ARHGAP17: variants seen among roughly 807,000 people sequenced by gnomAD.
The protein encoded by ARHGAP17 is Rho GTPase activating protein 17, also known as rho GTPase-activating protein 17.
ARHGAP17 carries 57 observed loss-of-function variants against 99.5 expected under a neutral mutation model. The ratio of observed to expected loss-of-function variants is 0.57; its 90% CI spans 0.46 to 0.71. ARHGAP17 has a LOEUF of 0.71. Ranked by LOEUF, ARHGAP17 falls within the 30% of genes least tolerant of loss-of-function variation. The pLI is 0.00. For synonymous variants in ARHGAP17, 417 were observed against 429.6 expected (o/e 0.97, Z 0.36); for missense variants, 1,000 against 1,122.4 (o/e 0.89, Z 1.56).
intron 3 of ARHGAP17, among the ~76,000 whole-genome samples, chr16:24,973,024 C>T (rs1041971437): frequency 5.9e-5 from 9 of 151,910 alleles, no homozygotes; most frequent in Admixed American, 1.3e-4. Context: ...AACCCACTTC[C>T]GGGGTTTTGC....
intron 1 of ARHGAP17, among the ~76,000 whole-genome samples, chr16:24,992,393 T>C (rs1052749007): frequency 6.6e-6 from 1 of 152,166 alleles, no homozygotes; most frequent in Non-Finnish European, 1.5e-5. Context: ...TGGAGTGCAG[T>C]GGCACAATCT....
At chr16:25,002,280 C>A (rs2141486186) in intron 1 of ARHGAP17, among the ~76,000 whole-genome samples, 1 of 152,192 alleles carries the variant, frequency 6.6e-6, no homozygotes, top group African/African-American at 2.4e-5. Flanking sequence ...TAACCTGAAG[C>A]TCCTCACCTC....
At chr16:24,982,206 C>A (rs1301079562) in intron 1 of ARHGAP17, among the ~76,000 whole-genome samples, 2 of 151,902 alleles carry the variant, frequency 1.3e-5, no homozygotes. Flanking sequence ...AAGTTCAAGA[C>A]CAGCCTGGTC....
At chr16:24,954,933 G>A in intron 9 of ARHGAP17, 2 of 668,734 alleles carry the variant, frequency 3.0e-6, no homozygotes, top group East Asian at 6.3e-5. Context: ...GTTACTTGTG[G>A]AACAGAAGCC....
intron 16 of ARHGAP17, chr16:24,941,608 T>C (rs1597379805): frequency 5.2e-6 from 1 of 191,096 alleles, no homozygotes; most frequent in Admixed American, 5.4e-5. Flanking sequence ...CTGTGCCAGG[T>C]GGGTGTTCTC....
intron 1 of ARHGAP17, among the ~76,000 whole-genome samples, chr16:24,980,686 C>CAAG: frequency 6.6e-6 from 1 of 152,324 alleles, no homozygotes; most frequent in East Asian, 1.9e-4. Flanking sequence ...GTCAGCCTAG[C>CAAG]AAGAACACAC....
chr16:24,948,123 C>G (rs2051527479), intron 13 of ARHGAP17, among the ~76,000 whole-genome samples: 1 of 152,156 alleles, frequency 6.6e-6, no homozygotes, highest in Admixed American at 6.5e-5. Context: ...TATATCCATA[C>G]AGTGGAGGAC....
intron 18 of ARHGAP17, among the ~76,000 whole-genome samples, chr16:24,932,372 A>G (rs1451844400): frequency 2.0e-5 from 3 of 152,214 alleles, no homozygotes; most frequent in Admixed American, 2.0e-4. Flanking sequence ...CAATAAGAAG[A>G]AAACTGTTAA....
chr16:25,014,042 T>C (rs931622974), intron 1 of ARHGAP17: 8 of 151,964 alleles, frequency 5.3e-5, no homozygotes, highest in Non-Finnish European at 1.2e-4. Flanking sequence ...ACCACAATAA[T>C]ACGGTAGGGA....
At chr16:24,946,840 CT>C (rs1324690039) in intron 14 of ARHGAP17, among the ~76,000 whole-genome samples, 1 of 152,224 alleles carries the variant, frequency 6.6e-6, no homozygotes, top group Non-Finnish European at 1.5e-5. Flanking sequence ...TCACAATTTA[CT>C]TTTTGTCCAA....
In ARHGAP17 at chr16:24,977,218, T is replaced by C; in HGVS notation, c.195A>G (p.Arg65=). Residue 65 remains arginine, a synonymous_variant, in exon 3 of 20, where the codon AGA becomes AGG. Transcript: ENST00000289968. ...QGQHGTDAER[R]HKKLPLTALA... is the part of the protein sequence containing the mutation. ...CTGAGTCACATCTGATACTCACGTG[T>C]CTCCTCTCGGCATCGGTGCCATGCT... 6.3e-7 allele frequency: 1 copy of C among 1,577,022 alleles called. No homozygotes were observed. The highest frequency in any genetic ancestry group is 8.7e-7 in the Non-Finnish European group (1 of 1,154,186).
In ARHGAP17 at chr16:24,949,475, A is replaced by T; in HGVS notation, c.1056T>A (p.Asp352Glu). ...ACAAGTCTTGAAGTTTTTTGTCTTGATCCTGCACACTGAGAACAAAAACTT... is the reference window on the plus strand; with the variant it reads ...ACAAGTCTTGAAGTTTTTTGTCTTGTTCCTGCACACTGAGAACAAAAACTT... ...EEWTQVASVQ[D>E]QDKKLQDLWR... The change falls in exon 13 of 20, where the codon GAT (aspartate) becomes GAA (glutamate). Residue 352 changes from aspartate (D) to glutamate (E), a missense_variant. Physicochemically the swap from Asp to Glu is conservative, Grantham distance 45. This residue lies in a region of ARHGAP17 where 472 missense variants were observed against 611.1 expected (regional missense o/e 0.77). Transcript: ENST00000289968. The T allele has an allele frequency of 9.9e-6, 16 of 1,613,202 alleles. No homozygotes were observed. The highest frequency in any genetic ancestry group is 1.4e-5 in the Non-Finnish European group (16 of 1,179,806).
intron 19 of ARHGAP17, among the ~76,000 whole-genome samples, chr16:24,929,204 G>T (rs1258216353): frequency 6.6e-6 from 1 of 151,092 alleles, no homozygotes; most frequent in Admixed American, 6.6e-5. Context: ...TGTCATGCAG[G>T]CTGGACTGCA....
chr16:24,944,399 A>G (rs1197577911), intron 14 of ARHGAP17, among the ~76,000 whole-genome samples: 1 of 152,106 alleles, frequency 6.6e-6, no homozygotes, highest in Non-Finnish European at 1.5e-5. Flanking sequence ...AGTGTCTGCT[A>G]CACACAGACC....
rs1195803658 is a variant in ARHGAP17 at position 24,960,044 on chromosome 16, A to G, written c.574-65T>C. The G allele has an allele frequency of 6.8e-6, 10 of 1,478,592 alleles. No individual in the cohort carries two copies. In the East Asian group the frequency reaches 2.3e-4, roughly 33 times the overall value. 91.6% of individuals were successfully genotyped at this position (1,478,592 alleles called of 1,614,324 possible). ...AAGTGAAACAAAATGGCATCTGAGA[A>G]CAATCTCTGTGAGCTCTTAGATGAA... On this transcript the variant is annotated intron_variant, in intron 7 of 19. Transcript: ENST00000289968.
Position 24,968,396 on chromosome 16 carries a change from T to C in ARHGAP17, c.416A>G (p.Lys139Arg), listed in dbSNP as rs557259553. The C allele has an allele frequency of 5.0e-6, 8 of 1,614,228 alleles. No homozygotes were observed. In the African/African-American group the frequency reaches 9.3e-5, roughly 19 times the overall value. The change falls in exon 6 of 20, where the codon AAG (lysine) becomes AGG (arginine). Residue 139 changes from lysine to arginine, a missense_variant. By Grantham distance (26) the Lys-to-Arg change is conservative. Transcript: ENST00000289968. ...GTCTAACACCAATCTTGCAAGCTGC[T>C]TCCTCTGCTTCTGGATGTTGGGAAT... ...VEIPNIQKQRKQLARLVLDWD... is the reference protein window; with the variant it reads ...VEIPNIQKQRRQLARLVLDWD...
intron 12 of ARHGAP17, among the ~76,000 whole-genome samples, chr16:24,950,836 C>CAAAAAA (rs1177614713): frequency 0.011 from 412 of 39,162 alleles, 19 homozygotes; most frequent in African/African-American, 0.033. Context: ...GACTCCAACT[C>CAAAAAA]AAAAAAAAAA....
At chr16:24,976,323 T>C (rs1168070989) in intron 3 of ARHGAP17, among the ~76,000 whole-genome samples, 3 of 152,156 alleles carry the variant, frequency 2.0e-5, no homozygotes, top group Non-Finnish European at 4.4e-5. Context: ...GGCCAGGAGT[T>C]CTACATCAGC....
At chr16:24,963,680 A>T (rs904954843) in intron 7 of ARHGAP17, among the ~76,000 whole-genome samples, 6 of 152,232 alleles carry the variant, frequency 3.9e-5, no homozygotes, top group Non-Finnish European at 8.8e-5. Flanking sequence ...TTTATGAGAT[A>T]AAAAGCTCTA....
Sources: gnomAD v4.1 joint callset for allele counts (sites outside exome capture counted in the v4.1 genomes callset) on GRCh38, gnomAD v4.1.1 for gene constraint, gnomAD v4.1.1 regional missense constraint, MANE v1.5 for transcripts, NCBI Gene and HGNC (gene_info 2026-07-23, HGNC 2026-07-21) for gene names.